Variants in ZFHX3 observed in about 807,000 individuals in gnomAD.
The protein encoded by ZFHX3 is zinc finger homeobox 3.
In ZFHX3, 42 loss-of-function variants were observed where a neutral mutation model predicts 279.1. The observed-to-expected ratio is 0.15, with a 90% CI of 0.12 to 0.19. The LOEUF (loss-of-function observed/expected upper bound fraction) is 0.19, where lower values mean the gene tolerates loss of function less well. Ranked by LOEUF, ZFHX3 falls within the 10% of genes least tolerant of loss-of-function variation. The pLI is 1.00. For synonymous variants in ZFHX3, 2,293 were observed against 1,957.8 expected (o/e 1.17, Z -4.52); for missense variants, 4,981 against 4,754.0 (o/e 1.05, Z -1.40).
At chr16:72,918,255 C>T (rs1421323142) in intron 3 of ZFHX3, among the ~76,000 whole-genome samples, 1 of 151,870 alleles carries the variant, frequency 6.6e-6, no homozygotes, top group Admixed American at 6.6e-5. Context: ...GGTTTGGAAA[C>T]CATATAAAGA....
intron 1 of ZFHX3, among the ~76,000 whole-genome samples, chr16:73,699,776 C>G (rs764313468): frequency 1.3e-5 from 2 of 152,182 alleles, no homozygotes; most frequent in Non-Finnish European, 2.9e-5. Flanking sequence ...CTTTTACACA[C>G]CAGTGACCCT....
At chr16:73,870,964 A>G (rs911814154) in intron 1 of ZFHX3, among the ~76,000 whole-genome samples, 9 of 152,196 alleles carry the variant, frequency 5.9e-5, no homozygotes, top group African/African-American at 1.9e-4. Context: ...TCAACAATTC[A>G]CAAACCAATA....
upstream of ZFHX3, chr16:73,060,734 A>G (rs1965673320): frequency 1.3e-5 from 2 of 152,206 alleles, no homozygotes; most frequent in Non-Finnish European, 2.9e-5. Context: ...TTTTGAAGGC[A>G]TTATTAGTAA....
rs540616380 is a variant in ZFHX3, at chr16:73,302,494, C to G, written c.-1194+15746G>C. On this transcript the variant is annotated intron_variant, in intron 4 of 17. Transcript: ENST00000641206. ...AATCAATACTGCGGCTTCCACCAGT[C>G]ACGCTGAGGGATTAGTTGTCCCAAG... 1.1e-4 allele frequency among the ~76,000 whole-genome samples: 17 copies of G among 152,348 alleles called. No individual in the cohort carries two copies. In the South Asian group the frequency reaches 3.1e-3, roughly 28 times the overall value.
At chr16:73,478,275 A>G (rs1182478742) in intron 2 of ZFHX3, among the ~76,000 whole-genome samples, 2 of 150,408 alleles carry the variant, frequency 1.3e-5, no homozygotes, top group Admixed American at 1.4e-4. Context: ...AAAAAAAAAA[A>G]AAAAAAAAAA....
At position 73,165,687 on chromosome 16, in the gene ZFHX3, G is replaced by C. The variant is rs72797307; in HGVS notation, c.-1103-21856C>G. On this transcript the variant is annotated intron_variant, in intron 5 of 17. Transcript: ENST00000641206. ...TCCCTACCCCTCCCCACCAAAGCAA[G>C]AGCCTAGCTGTGGGGTAGAGTACGT... Among the ~76,000 whole-genome samples the C allele has an allele frequency of 2.0e-5, 3 of 152,262 alleles. No homozygotes were observed. The East Asian group carries it at 5.8e-4, about 29-fold the overall frequency.
At chr16:73,592,491 T>G (rs1597016478) in intron 2 of ZFHX3, among the ~76,000 whole-genome samples, 1 of 152,064 alleles carries the variant, frequency 6.6e-6, no homozygotes, top group East Asian at 1.9e-4. Flanking sequence ...AAATAAAGTA[T>G]AAAAAATAAA....
At chr16:73,218,771 AAAAT>A (rs2012302114) in intron 5 of ZFHX3, among the ~76,000 whole-genome samples, 1 of 152,236 alleles carries the variant, frequency 6.6e-6, no homozygotes, top group Non-Finnish European at 1.5e-5. Flanking sequence ...CCTGTCTCAA[AAAAT>A]AAATAAATAA....
intron 1 of ZFHX3, among the ~76,000 whole-genome samples, chr16:73,774,292 G>T (rs143316705): frequency 6.6e-6 from 1 of 152,246 alleles, no homozygotes; most frequent in East Asian, 1.9e-4. Flanking sequence ...GGCCTAGCAT[G>T]GTGCTTGTAT....
intron 2 of ZFHX3, among the ~76,000 whole-genome samples, chr16:73,512,870 A>G (rs962820860): frequency 1.3e-5 from 2 of 152,148 alleles, no homozygotes; most frequent in African/African-American, 4.8e-5. Context: ...CCCAGAGGAC[A>G]CTCCCTTCAC....
intron 3 of ZFHX3, among the ~76,000 whole-genome samples, chr16:73,440,482 C>T (rs1166071042): frequency 6.6e-6 from 1 of 152,170 alleles, no homozygotes; most frequent in African/African-American, 2.4e-5. Context: ...TAACCATTCC[C>T]ATTTCTCCGT....
intron 8 of ZFHX3, among the ~76,000 whole-genome samples, chr16:73,079,221 C>A (rs1030360419): frequency 5.3e-5 from 8 of 151,862 alleles, no homozygotes; most frequent in Admixed American, 3.9e-4. Context: ...TCATATCTTT[C>A]TCTTATTAAA....
chr16:73,126,007 A>G (rs922273063), intron 7 of ZFHX3, among the ~76,000 whole-genome samples: 1 of 152,152 alleles, frequency 6.6e-6, no homozygotes, highest in Non-Finnish European at 1.5e-5. Context: ...AGGGTGTGGG[A>G]CACAGCATTT....
At chr16:73,043,595 C>T (rs1233454312) in intron 1 of ZFHX3, among the ~76,000 whole-genome samples, 2 of 152,202 alleles carry the variant, frequency 1.3e-5, no homozygotes, top group African/African-American at 2.4e-5. Flanking sequence ...AGAGACACCC[C>T]CATCACTGCC....
Position 72,793,319 on chromosome 16 carries a change from A to G in ZFHX3, c.9363T>C (p.Ile3121=), listed in dbSNP as rs1428171138. ...LPTAYPALQG[I]PPVLLPGLNS... is the part of the protein sequence containing the mutation. ...TGAGGCCCGGGAGCAACACAGGAGG[A>G]ATGCCCTGGAGCGCTGGATATGCTG... Residue 3121 remains isoleucine (I), a synonymous_variant, in exon 9 of 10, where the codon ATT becomes ATC. Transcript: ENST00000268489. The surrounding 1 kb of genome is among the most constrained non-coding windows in gnomAD (Gnocchi z 4.3). 1.2e-6 allele frequency: 2 copies of G among 1,614,020 alleles called. No homozygotes were observed. Among genetic ancestry groups the G allele is most frequent in the African/African-American group, 2.7e-5 (2 of 74,920 alleles).
chr16:73,353,248 A>G (rs573698563), intron 3 of ZFHX3, among the ~76,000 whole-genome samples: 3 of 152,316 alleles, frequency 2.0e-5, no homozygotes, highest in African/African-American at 7.2e-5. Context: ...TAAAAACACT[A>G]AAATCACCCA....
chr16:73,140,377 G>A (rs1161820944), intron 6 of ZFHX3, among the ~76,000 whole-genome samples: 1 of 152,202 alleles, frequency 6.6e-6, no homozygotes, highest in Non-Finnish European at 1.5e-5. Context: ...TGTGATCAAA[G>A]TGCTCATTAA....
intron 2 of ZFHX3, among the ~76,000 whole-genome samples, chr16:73,671,573 A>C (rs1474810613): frequency 6.6e-6 from 1 of 152,222 alleles, no homozygotes; most frequent in Admixed American, 6.5e-5. Context: ...TTTATTTCTA[A>C]CCTGGCAGGG....
At chr16:73,466,366 C>T (rs2018570684) in intron 2 of ZFHX3, among the ~76,000 whole-genome samples, 1 of 152,104 alleles carries the variant, frequency 6.6e-6, no homozygotes, top group African/African-American at 2.4e-5. Flanking sequence ...ACCTGTGGTC[C>T]CAGCCACTTT....
Sources: allele counts gnomAD v4.1 joint callset (sites outside exome capture counted in the v4.1 genomes callset), GRCh38; gene constraint gnomAD v4.1.1; non-coding constraint Gnocchi (gnomAD v3.1); transcripts MANE v1.5; gene names NCBI Gene and HGNC (gene_info 2026-07-23, HGNC 2026-07-21).